NECTIN1: variants seen among roughly 807,000 people sequenced by gnomAD.
The protein encoded by NECTIN1 is nectin cell adhesion molecule 1.
NECTIN1 carries 23 observed loss-of-function variants against 48.0 expected under a neutral mutation model. The observed-to-expected ratio is 0.48, with a 90% CI of 0.34 to 0.68. NECTIN1 has a LOEUF of 0.68. Among genes scored for constraint, NECTIN1 ranks in the 30% least tolerant of loss-of-function variants. The pLI is 0.01. For synonymous variants in NECTIN1, 270 were observed against 288.9 expected (o/e 0.93, Z 0.66); for missense variants, 591 against 709.9 (o/e 0.83, Z 1.90).
intron 1 of NECTIN1, among the ~76,000 whole-genome samples, chr11:119,718,910 T>C (rs1865784529): frequency 6.6e-6 from 1 of 152,248 alleles, no homozygotes; most frequent in South Asian, 2.1e-4. Flanking sequence ...AATATCTGTA[T>C]ACATGAAATG....
At chr11:119,689,048 AAGTC>A (rs539707989) in intron 1 of NECTIN1, among the ~76,000 whole-genome samples, 25 of 152,208 alleles carry the variant, frequency 1.6e-4, no homozygotes, top group African/African-American at 6.0e-4. Flanking sequence ...AGCTGAAACA[AAGTC>A]AGGCAGCGTC....
intron 1 of NECTIN1, among the ~76,000 whole-genome samples, chr11:119,691,417 G>T (rs1865249950): frequency 6.6e-6 from 1 of 152,228 alleles, no homozygotes; most frequent in Non-Finnish European, 1.5e-5. Flanking sequence ...GGGAAAGTGG[G>T]ATCTTCAAAA....
chr11:119,697,016 C>A (rs1469771059), intron 1 of NECTIN1, among the ~76,000 whole-genome samples: 1 of 152,142 alleles, frequency 6.6e-6, no homozygotes, highest in Non-Finnish European at 1.5e-5. Context: ...GAGGCCTGCC[C>A]ACTCTGTGTG....
At chr11:119,658,580 A>C (rs1321037335), downstream of NECTIN1, among the ~76,000 whole-genome samples, 1 of 152,128 alleles carries the variant, frequency 6.6e-6, no homozygotes, top group African/African-American at 2.4e-5. Context: ...TTCCTCCTCC[A>C]ACTTTCCCAC....
In NECTIN1 at chr11:119,650,049, A is replaced by C. The variant is rs145862748; in HGVS notation, c.1004-10037T>G. 2.7e-3 allele frequency among the ~76,000 whole-genome samples: 406 copies of C among 151,952 alleles called. 4 individuals are homozygous for C. The East Asian group carries it at 0.037, about 14-fold the overall frequency. On this transcript the variant is annotated intron_variant, in intron 5 of 7. Coordinates refer to the NECTIN1 transcript ENST00000341398. The stretch of plus-strand genomic sequence containing the variant: ...TATAAGATTTGGGTAGATAAAGGAA[A>C]ATTACAGTCAAAGGGGGGTTGTTAT...
In NECTIN1 at chr11:119,661,378, C is replaced by T. The variant is rs1285580786; in HGVS notation, c.*3369G>A. On this transcript the variant is annotated 3_prime_UTR_variant, in exon 6 of 6. Transcript: ENST00000264025. Reference sequence around the variant, plus strand: ...GGCAGCAGTGGCAGCAGCAGAGGGGCCTGCCTCCTGGCATCCCCGGTACTG... The same window carrying T: ...GGCAGCAGTGGCAGCAGCAGAGGGGTCTGCCTCCTGGCATCCCCGGTACTG... 2.0e-6 allele frequency: 2 copies of T among 986,302 alleles called. No individual in the cohort carries two copies. Among genetic ancestry groups the T allele is most frequent in the African/African-American group, 1.7e-5 (1 of 57,238 alleles). 61.1% of individuals were successfully genotyped at this position (986,302 alleles called of 1,614,324 possible).
intron 5 of NECTIN1, among the ~76,000 whole-genome samples, chr11:119,653,866 T>C (rs979225409): frequency 1.6e-4 from 24 of 152,194 alleles, no homozygotes; most frequent in African/African-American, 5.8e-4. Context: ...ATATGAACTA[T>C]CTTTATTCAT....
At chr11:119,695,868 T>G (rs1865333793) in intron 1 of NECTIN1, among the ~76,000 whole-genome samples, 1 of 152,052 alleles carries the variant, frequency 6.6e-6, no homozygotes, top group Non-Finnish European at 1.5e-5. Flanking sequence ...ACCAGGAGGG[T>G]CCTGGATCCT....
intron 1 of NECTIN1, among the ~76,000 whole-genome samples, chr11:119,679,512 CA>C (rs1865023454): frequency 6.6e-6 from 1 of 152,164 alleles, no homozygotes; most frequent in African/African-American, 2.4e-5. Context: ...ATGGCCTTCA[CA>C]GCCAAATGTA....
intron 4 of NECTIN1, among the ~76,000 whole-genome samples, chr11:119,675,872 G>A (rs975972352): frequency 6.6e-6 from 1 of 152,130 alleles, no homozygotes; most frequent in African/African-American, 2.4e-5. Flanking sequence ...TGGGTGTGGT[G>A]GTGCACGCCT....
chr11:119,641,107 G>A (rs745602646), intron 5 of NECTIN1: 12 of 152,224 alleles, frequency 7.9e-5, no homozygotes, highest in Non-Finnish European at 1.5e-4. Flanking sequence ...GTGCCCGGAA[G>A]GAGGGGGTAT....
At chr11:119,715,737 C>G (rs550661789) in intron 1 of NECTIN1, among the ~76,000 whole-genome samples, 1 of 152,246 alleles carries the variant, frequency 6.6e-6, no homozygotes, top group South Asian at 2.1e-4. Flanking sequence ...CACGTCCAAA[C>G]AGGATGGCTT....
Position 119,661,900 on chromosome 11 carries a change from G to A in NECTIN1, c.*2847C>T, listed in dbSNP as rs572933507. 25 of 985,424 alleles carry A rather than the reference G, an allele frequency of 2.5e-5. No individual in the cohort carries two copies. The East Asian group carries it at 2.4e-3, about 94-fold the overall frequency. 61.0% of individuals were successfully genotyped at this position (985,424 alleles called of 1,614,324 possible). ...TTGGAGGTGTGAGTGTGTCCACTGT[G>A]GGCACACGTACTGGGTCTGAGGTGG... On this transcript the variant is annotated 3_prime_UTR_variant, in exon 6 of 6. Coordinates refer to ENST00000264025, the MANE Select transcript of NECTIN1 (RefSeq NM_002855.5).
At chr11:119,675,029 G>T in intron 5 of NECTIN1, 130 bp downstream of exon 5, 1 of 1,174,642 alleles carries the variant, frequency 8.5e-7, no homozygotes, top group Non-Finnish European at 1.2e-6. Context: ...AATGGCCAGA[G>T]CTCAAGGGAG....
At chr11:119,717,549 T>C (rs1464497215) in intron 1 of NECTIN1, among the ~76,000 whole-genome samples, 1 of 152,162 alleles carries the variant, frequency 6.6e-6, no homozygotes, top group Non-Finnish European at 1.5e-5. Context: ...GCAATCACGA[T>C]AAAATAATCC....
At chr11:119,693,212 G>A (rs527550725) in intron 1 of NECTIN1, among the ~76,000 whole-genome samples, 18 of 152,280 alleles carry the variant, frequency 1.2e-4, no homozygotes, top group African/African-American at 3.8e-4. Context: ...TGCCACTCTC[G>A]GGGTGTGTGT....
chr11:119,689,549 A>G (rs1865216318), intron 1 of NECTIN1, among the ~76,000 whole-genome samples: 1 of 152,204 alleles, frequency 6.6e-6, no homozygotes, highest in Admixed American at 6.5e-5. Context: ...TTCAGGCTTC[A>G]GGGTGTGGGT....
In NECTIN1 at chr11:119,664,329, T is replaced by G; in HGVS notation, c.*418A>C. 1 of 1,011,390 alleles carries G rather than the reference T, an allele frequency of 9.9e-7. No homozygotes were observed. Among genetic ancestry groups the G allele is most frequent in the Non-Finnish European group, 1.2e-6 (1 of 845,686 alleles). The allele number at this position is 1,011,390 out of a possible 1,614,324, so 62.7% of individuals were successfully genotyped here. ...TCTGGGGGTGTGGGGAGCTTTTCCC[T>G]CTTAGAGCCCCTTGAGCCCTCCACC... On this transcript the variant is annotated 3_prime_UTR_variant, in exon 6 of 6. Transcript: ENST00000264025.
At chr11:119,693,344 G>A (rs1865292796) in intron 1 of NECTIN1, among the ~76,000 whole-genome samples, 1 of 152,214 alleles carries the variant, frequency 6.6e-6, no homozygotes, top group African/African-American at 2.4e-5. Context: ...GAGCACCTCT[G>A]AAAACTAAAG....
Sources: allele counts gnomAD v4.1 joint callset (sites outside exome capture counted in the v4.1 genomes callset), GRCh38; gene constraint gnomAD v4.1.1; transcripts MANE v1.5; gene names NCBI Gene and HGNC (gene_info 2026-07-23, HGNC 2026-07-21).